MEIS2: variants seen among roughly 807,000 people sequenced by gnomAD.
The protein encoded by MEIS2 is homeobox protein Meis2.
Under a neutral mutation model 58.6 loss-of-function variants are expected in MEIS2, and 9 were observed. That is an observed-to-expected ratio of 0.15 (90% CI 0.09 to 0.27). The LOEUF is 0.27. Ranked by LOEUF, MEIS2 falls within the 10% of genes least tolerant of loss-of-function variation. MEIS2 has a pLI of 1.00. For synonymous variants in MEIS2, 221 were observed against 228.4 expected (o/e 0.97, Z 0.29); for missense variants, 427 against 635.0 (o/e 0.67, Z 3.52).
At chr15:36,973,967 T>C (rs141439398) in intron 8 of MEIS2, among the ~76,000 whole-genome samples, 1 of 152,328 alleles carries the variant, frequency 6.6e-6, no homozygotes, top group East Asian at 1.9e-4. Context: ...AATTCAGCAA[T>C]ATTTCACATC....
chr15:36,976,289 T>C (rs2141487100), intron 8 of MEIS2, among the ~76,000 whole-genome samples: 1 of 152,038 alleles, frequency 6.6e-6, no homozygotes, highest in African/African-American at 2.4e-5. Flanking sequence ...TTTCACCATG[T>C]TGGCCAGGCT....
intron 8 of MEIS2, among the ~76,000 whole-genome samples, chr15:37,018,365 G>A (rs1021854286): frequency 1.5e-4 from 23 of 152,304 alleles, no homozygotes; most frequent in South Asian, 6.2e-4. Flanking sequence ...TGCTTCAGAA[G>A]AAGGAGAAAC....
At chr15:36,906,572 A>G (rs2056747230) in intron 9 of MEIS2, among the ~76,000 whole-genome samples, 1 of 149,536 alleles carries the variant, frequency 6.7e-6, no homozygotes, top group African/African-American at 2.5e-5. Context: ...TGGTGGGAAG[A>G]GGCAAACTCA....
chr15:37,003,880 G>A (rs958840511), intron 8 of MEIS2, among the ~76,000 whole-genome samples: 6 of 152,076 alleles, frequency 3.9e-5, no homozygotes, highest in Non-Finnish European at 8.8e-5. Context: ...ATATTGAGAC[G>A]GCTGTCTCTA....
rs186973382 is a variant in MEIS2, at chr15:37,010,963, C to T, written c.900+25851G>A. Among the ~76,000 whole-genome samples the T allele has an allele frequency of 9.6e-4, 146 of 152,288 alleles. 1 individual carries two copies. In the East Asian group the frequency reaches 0.01, roughly 11 times the overall value. ...CATTCTTATCATATCTCCTTTTGCCCATCTCTCTGTATTTAGCTTCAGGTT... is the reference window on the plus strand; with the variant it reads ...CATTCTTATCATATCTCCTTTTGCCTATCTCTCTGTATTTAGCTTCAGGTT... On this transcript the variant is annotated intron_variant, in intron 8 of 11. Coordinates refer to ENST00000561208, the MANE Select transcript of MEIS2 (RefSeq NM_170675.5).
chr15:37,029,383 AT>A (rs2061826159), intron 8 of MEIS2, among the ~76,000 whole-genome samples: 1 of 152,166 alleles, frequency 6.6e-6, no homozygotes, highest in African/African-American at 2.4e-5. Context: ...GCTCATAGCT[AT>A]TTGTATTATG....
rs368900881 is a variant in MEIS2, at chr15:37,024,861, AG to A, written c.900+11952del. Among the ~76,000 whole-genome samples, 102 of 152,340 alleles carry A rather than the reference AG, an allele frequency of 6.7e-4. 3 individuals are homozygous for A. In the East Asian group the frequency reaches 0.019, roughly 29 times the overall value. On this transcript the variant is annotated intron_variant, in intron 8 of 11. Transcript: ENST00000561208. ...CTCAGGATGAAGAGTTTAGGAACAA[AG>A]AACAAAGATGCCCAAAGCCCCAACC...
intron 8 of MEIS2, among the ~76,000 whole-genome samples, chr15:37,023,380 G>A (rs2061590852): frequency 6.6e-6 from 1 of 152,146 alleles, no homozygotes. Flanking sequence ...GTCAGCCAGT[G>A]CCACGTCATG....
chr15:37,045,241 A>G (rs1009206868), intron 7 of MEIS2, among the ~76,000 whole-genome samples: 1 of 152,216 alleles, frequency 6.6e-6, no homozygotes. Context: ...GAAACATTAC[A>G]GTTAAAAATG....
chr15:36,986,835 T>C (rs1175853383), intron 8 of MEIS2, among the ~76,000 whole-genome samples: 1 of 152,244 alleles, frequency 6.6e-6, no homozygotes, highest in Non-Finnish European at 1.5e-5. Context: ...TTTCACCAAA[T>C]GCCTATGTTG....
intron 7 of MEIS2, among the ~76,000 whole-genome samples, chr15:37,059,104 C>T (rs1888840817): frequency 6.6e-6 from 1 of 152,200 alleles, no homozygotes; most frequent in Non-Finnish European, 1.5e-5. Context: ...TTTATTTGCC[C>T]AGTGCCCAGA....
At chr15:36,911,741 C>T (rs2057036214) in intron 9 of MEIS2, among the ~76,000 whole-genome samples, 1 of 152,200 alleles carries the variant, frequency 6.6e-6, no homozygotes, top group Non-Finnish European at 1.5e-5. Context: ...CAGTGATTCA[C>T]TCACAGGAGG....
chr15:37,084,700 T>G (rs1441592951), intron 6 of MEIS2, among the ~76,000 whole-genome samples: 1 of 152,206 alleles, frequency 6.6e-6, no homozygotes, highest in African/African-American at 2.4e-5. Context: ...CTCATGCTAC[T>G]TGGCTGAGTA....
At chr15:37,015,721 G>A (rs967957954) in intron 8 of MEIS2, among the ~76,000 whole-genome samples, 3 of 152,064 alleles carry the variant, frequency 2.0e-5, no homozygotes, top group African/African-American at 4.8e-5. Flanking sequence ...TCTGTAGCAG[G>A]CTTGCTTTCT....
At chr15:37,055,018 T>C (rs531784264) in intron 7 of MEIS2, among the ~76,000 whole-genome samples, 5 of 152,266 alleles carry the variant, frequency 3.3e-5, no homozygotes, top group Admixed American at 3.3e-4. Context: ...AGAGTTGACA[T>C]TTTCCACATG....
Position 36,889,321 on chromosome 15 carries a change from C to G in MEIS2, c.*2852G>C, listed in dbSNP as rs951508165. The G allele has an allele frequency of 6.6e-6, 1 of 152,082 alleles. No individual in the cohort carries two copies. Among genetic ancestry groups the G allele is most frequent in the African/African-American group, 2.4e-5 (1 of 41,390 alleles). 9.4% of individuals were successfully genotyped at this position (152,082 alleles called of 1,614,324 possible). Reference sequence around the variant, plus strand: ...GACAGCTGAGTCTTTCTTAAATATACCCAAATCGGAACTCTTTACACTAAA... The same window carrying G: ...GACAGCTGAGTCTTTCTTAAATATAGCCAAATCGGAACTCTTTACACTAAA... On this transcript the variant is annotated 3_prime_UTR_variant, in exon 12 of 12. Transcript: ENST00000561208.
chr15:37,015,207 T>C (rs1032186259), intron 8 of MEIS2, among the ~76,000 whole-genome samples: 1 of 152,192 alleles, frequency 6.6e-6, no homozygotes, highest in African/African-American at 2.4e-5. Flanking sequence ...AGGGCACAGA[T>C]TTCTGCTTTA....
rs374853267 is a variant in MEIS2, at chr15:37,088,124, C to A, written c.640-4239G>T. 1.6e-4 allele frequency among the ~76,000 whole-genome samples: 24 copies of A among 152,242 alleles called. No homozygotes were observed. The South Asian group carries it at 5.0e-3, about 32-fold the overall frequency. On this transcript the variant is annotated intron_variant, in intron 6 of 11. Transcript: ENST00000561208. ...CAGGTGAACTTAAGCAAGTGATGTA[C>A]CTCATTTCTATGGGGCTCATTTCCT...
intron 9 of MEIS2, among the ~76,000 whole-genome samples, chr15:36,945,476 C>T (rs2058529608): frequency 6.6e-6 from 1 of 151,992 alleles, no homozygotes; most frequent in Non-Finnish European, 1.5e-5. Context: ...CTTAGAAAAC[C>T]AAGTCACCTG....
Sources: allele counts gnomAD v4.1 joint callset (sites outside exome capture counted in the v4.1 genomes callset), GRCh38; gene constraint gnomAD v4.1.1; transcripts MANE v1.5; gene names NCBI Gene and HGNC (gene_info 2026-07-23, HGNC 2026-07-21).